The following PPM1K variants were observed in gnomAD, a reference collection of about 807,000 sequenced individuals.
The protein encoded by PPM1K is protein phosphatase Mn(2+)-dependent 1K.
A neutral mutation model predicts 32.6 loss-of-function variants in PPM1K; 19 were observed. That is an observed-to-expected ratio of 0.58 (90% CI 0.41 to 0.86). The LOEUF is 0.86. Among genes scored for constraint, PPM1K ranks in the 40% least tolerant of loss-of-function variants. The probability of loss-of-function intolerance (pLI) is 0.00; values close to 1 mark genes in which losing one functional copy is unlikely to be tolerated. For synonymous variants in PPM1K, 159 were observed against 165.3 expected, an observed-to-expected ratio of 0.96 and a Z score of 0.29; for missense variants, 362 against 461.2, an observed-to-expected ratio of 0.78 and a Z score of 1.97.
chr4:88,264,929 C>T, intron 6 of PPM1K, 72 bp downstream of exon 6: 1 of 1,490,210 alleles, frequency 6.7e-7, no homozygotes, highest in Middle Eastern at 2.0e-4. Context: ...CACTCAAAAG[C>T]TAAAACACAA....
chr4:88,260,484 T>C lies in PPM1K; in HGVS notation c.*2111A>G, dbSNP rs187243003. 1.3e-5 allele frequency: 2 copies of C among 152,286 alleles called. No homozygotes were observed. Among genetic ancestry groups the C allele is most frequent in the East Asian group, 3.9e-4 (2 of 5,190 alleles). The allele number at this position is 152,286 out of a possible 1,614,324, so 9.4% of individuals were successfully genotyped here. A position where few individuals can be genotyped will look rare whatever the true frequency, so the allele number is the denominator to read the frequency against. ...GAACTGATTAGAAAAAGCAAGATGG[T>C]TTCCCGCTTTAGTTGCCTCCCTTTG... On this transcript the variant is annotated 3_prime_UTR_variant, in exon 7 of 7. Transcript: ENST00000608933.
At chr4:88,272,302 G>A (rs1424603196) in intron 3 of PPM1K, among the ~76,000 whole-genome samples, 2 of 151,988 alleles carry the variant, frequency 1.3e-5, no homozygotes, top group African/African-American at 4.8e-5. Flanking sequence ...TACAGCCCTG[G>A]TTCTTTTGTA....
intron 3 of PPM1K, among the ~76,000 whole-genome samples, chr4:88,273,411 T>C (rs1000350878): frequency 3.9e-5 from 6 of 152,346 alleles, no homozygotes; most frequent in African/African-American, 1.4e-4. Flanking sequence ...CTGGGCACAA[T>C]GGCTCACGCC....
At chr4:88,263,364 T>C (rs796563053) in intron 6 of PPM1K, among the ~76,000 whole-genome samples, 20 of 152,308 alleles carry the variant, frequency 1.3e-4, no homozygotes, top group African/African-American at 3.1e-4. Context: ...CTAGTGTAAA[T>C]TGGTATAGTA....
chr4:88,268,178 G>A lies in PPM1K; in HGVS notation c.852+12C>T, dbSNP rs1389430929. The A allele has an allele frequency of 1.2e-6, 2 of 1,613,618 alleles. No individual in the cohort carries two copies. Among genetic ancestry groups the A allele is most frequent in the Non-Finnish European group, 1.7e-6 (2 of 1,179,678 alleles). On this transcript the variant is annotated intron_variant, in intron 5 of 6. Transcript: ENST00000608933. Reference sequence around the variant, plus strand: ...CCGCAGGTTTATCAAGTGTTTGCAGGTCCTTTCTTACCTTAATCCTCTTAG... The same window carrying A: ...CCGCAGGTTTATCAAGTGTTTGCAGATCCTTTCTTACCTTAATCCTCTTAG...
chr4:88,274,765 T>A (rs1187688213), intron 3 of PPM1K, among the ~76,000 whole-genome samples: 1 of 152,190 alleles, frequency 6.6e-6, no homozygotes, highest in Non-Finnish European at 1.5e-5. Context: ...TTACACAACA[T>A]ATGGCATTCT....
At chr4:88,276,357 T>G (rs1166313765) in intron 3 of PPM1K, 2 of 985,434 alleles carry the variant, frequency 2.0e-6, no homozygotes, top group African/African-American at 1.7e-5. Context: ...CAAGGTTACA[T>G]GCACACATTC....
At chr4:88,281,076 TA>T (rs1462788096) in intron 1 of PPM1K, among the ~76,000 whole-genome samples, 1 of 152,062 alleles carries the variant, frequency 6.6e-6, no homozygotes, top group Admixed American at 6.5e-5. Context: ...AAGTACTAAT[TA>T]TTTGGAGATA....
Position 88,278,152 on chromosome 4 carries a change from T to A in PPM1K, c.432A>T (p.Lys144Asn), listed in dbSNP as rs759450312. The A allele has an allele frequency of 6.2e-7, 1 of 1,613,076 alleles. No individual in the cohort carries two copies. The highest frequency in any genetic ancestry group is 8.5e-7 in the Non-Finnish European group (1 of 1,179,172). Residue 144 changes from lysine to asparagine, a missense_variant, in exon 2 of 7, where the codon AAA becomes AAT. Physicochemically the swap from Lys to Asn is moderately conservative, Grantham distance 94 (BLOSUM62 0). Transcript: ENST00000608933. This position sits in a 1 kb window ranked among gnomAD's most constrained non-coding sequence, Gnocchi z 4.2. ...AAAGTCATTGTACATACATAATACATTTCTCCATGTGGGTATGACAGAAAT... is the reference window on the plus strand; with the variant it reads ...AAAGTCATTGTACATACATAATACAATTCTCCATGTGGGTATGACAGAAAT... ...AADFCHTHME[K>N]CIMDLLPKEK...
chr4:88,262,525 T>A lies in PPM1K; in HGVS notation c.*70A>T. 1 of 1,565,928 alleles carries A rather than the reference T, an allele frequency of 6.4e-7. No individual in the cohort carries two copies. The highest frequency in any genetic ancestry group is 8.7e-7 in the Non-Finnish European group (1 of 1,153,686). Reference sequence around the variant, plus strand: ...GATCTAGTGAGTTAGGAGACCTTTTTGATCTTATCAGTTTCTTGACATGCT... The same window carrying A: ...GATCTAGTGAGTTAGGAGACCTTTTAGATCTTATCAGTTTCTTGACATGCT... On this transcript the variant is annotated 3_prime_UTR_variant, in exon 7 of 7. Coordinates refer to ENST00000608933, the MANE Select transcript of PPM1K (RefSeq NM_152542.5).
rs1191660000 is a variant in PPM1K at position 88,257,703 on chromosome 4, C to T, written c.*4892G>A. 1 of 152,148 alleles carries T rather than the reference C, an allele frequency of 6.6e-6. No homozygotes were observed. The highest frequency in any genetic ancestry group is 1.5e-5 in the Non-Finnish European group (1 of 68,050). 9.4% of individuals were successfully genotyped at this position (152,148 alleles called of 1,614,324 possible). ...CATTCTGCTCACAGTTACTCTAGTACACAGATTTAAAACAATGGTCAAAGC... is the reference window on the plus strand; with the variant it reads ...CATTCTGCTCACAGTTACTCTAGTATACAGATTTAAAACAATGGTCAAAGC... On this transcript the variant is annotated 3_prime_UTR_variant, in exon 7 of 7. Transcript: ENST00000608933.
chr4:88,278,692 G>C lies in PPM1K; in HGVS notation c.-59-50C>G. The C allele has an allele frequency of 1.2e-6, 1 of 821,578 alleles. No homozygotes were observed. The highest frequency in any genetic ancestry group is 1.9e-6 in the Non-Finnish European group (1 of 529,416). 50.9% of individuals were successfully genotyped at this position (821,578 alleles called of 1,614,324 possible). ...CAGGGGACAGAGGGAGAGAGGGGCA[G>C]AGGAGGAGAGGGAGAGAGACAGAGA... On this transcript the variant is annotated intron_variant, in intron 1 of 6. Transcript: ENST00000608933. The surrounding 1 kb of genome is among the most constrained non-coding windows in gnomAD (Gnocchi z 4.2).
intron 3 of PPM1K, 37 bp downstream of exon 3, chr4:88,277,106 C>T (rs1731797182): frequency 2.0e-6 from 3 of 1,502,566 alleles, no homozygotes; most frequent in Non-Finnish European, 2.8e-6. Flanking sequence ...ACCCCATGTA[C>T]TCCCTAGGAT....
chr4:88,269,401 G>A (rs1164841247), intron 3 of PPM1K, among the ~76,000 whole-genome samples: 1 of 152,154 alleles, frequency 6.6e-6, no homozygotes, highest in Admixed American at 6.5e-5. Context: ...TTATCAGTTA[G>A]TAGGCTAAGT....
chr4:88,280,195 C>A (rs979698061), intron 1 of PPM1K, among the ~76,000 whole-genome samples: 6 of 152,154 alleles, frequency 3.9e-5, no homozygotes, highest in Non-Finnish European at 7.3e-5. Context: ...CCCACCTCAG[C>A]CTCCCAAAGT....
intron 1 of PPM1K, among the ~76,000 whole-genome samples, chr4:88,282,006 A>G (rs1732032881): frequency 6.6e-6 from 1 of 152,196 alleles, no homozygotes; most frequent in Admixed American, 6.5e-5. Flanking sequence ...CTAAACAAAA[A>G]GAGTGGAGAA....
Position 88,278,008 on chromosome 4 carries a change from T to C in PPM1K, c.440+136A>G. On this transcript the variant is annotated intron_variant, in intron 2 of 6. Transcript: ENST00000608933. The surrounding 1 kb of genome is among the most constrained non-coding windows in gnomAD (Gnocchi z 4.2). ...TAAGTAATAAATGGCACACTTAAAC[T>C]ACTGCTCATTCGTGAAGCAGCAGCA... 1 of 683,990 alleles carries C rather than the reference T, an allele frequency of 1.5e-6. No homozygotes were observed. Among genetic ancestry groups the C allele is most frequent in the South Asian group, 1.9e-5 (1 of 51,906 alleles). The allele number at this position is 683,990 out of a possible 1,614,324, so 42.4% of individuals were successfully genotyped here. A position where few individuals can be genotyped will look rare whatever the true frequency, so the allele number is the denominator to read the frequency against.
In PPM1K at chr4:88,275,826, T is replaced by C. The variant is rs151289166; in HGVS notation, c.541+1317A>G. ...CTTTTCCTTCATGTGTTTTAACTAT[T>C]TGGAACAAGAGCTAAGTCTTATGCA... On this transcript the variant is annotated intron_variant, in intron 3 of 6. Transcript: ENST00000608933. 2.7e-4 allele frequency: 267 copies of C among 985,436 alleles called. No homozygotes were observed. In the African/African-American group the frequency reaches 4.3e-3, roughly 16 times the overall value. 61.0% of individuals were successfully genotyped at this position (985,436 alleles called of 1,614,324 possible).
chr4:88,268,576 G>A (rs1022805542), intron 4 of PPM1K, among the ~76,000 whole-genome samples, 165 bp downstream of exon 4: 3 of 152,106 alleles, frequency 2.0e-5, no homozygotes, highest in Admixed American at 1.3e-4. Flanking sequence ...AGCCAAGATT[G>A]CGCCACTGCA....
Sources: allele counts gnomAD v4.1 joint callset (sites outside exome capture counted in the v4.1 genomes callset), GRCh38; gene constraint gnomAD v4.1.1; non-coding constraint Gnocchi (gnomAD v3.1); transcripts MANE v1.5; gene names NCBI Gene and HGNC (gene_info 2026-07-23, HGNC 2026-07-21).